Variants in NCAPD3 observed in about 807,000 individuals in gnomAD.
NCAPD3 encodes the protein condensin-2 complex subunit D3.
A neutral mutation model predicts 182.9 loss-of-function variants in NCAPD3; 105 were observed. That is an observed-to-expected ratio of 0.57 (90% CI 0.49 to 0.68). The LOEUF is 0.68. Ranked by LOEUF, NCAPD3 falls within the 30% of genes least tolerant of loss-of-function variation. The probability of loss-of-function intolerance (pLI) is 0.00; values close to 1 mark genes in which losing one functional copy is unlikely to be tolerated. For missense variants in NCAPD3, 1,944 were observed against 1,837.0 expected, an observed-to-expected ratio of 1.06 and a Z score of -1.07; for synonymous variants, 815 against 679.9, an observed-to-expected ratio of 1.20 and a Z score of -3.09.
At chr11:134,165,779 G>A (rs375707926) in intron 27 of NCAPD3, among the ~76,000 whole-genome samples, 2 of 127,492 alleles carry the variant, frequency 1.6e-5, no homozygotes, top group East Asian at 5.4e-4. Flanking sequence ...GTACACACTC[G>A]TGAGAGGAGC....
chr11:134,180,336 T>C (rs1944269138), intron 20 of NCAPD3, among the ~76,000 whole-genome samples: 1 of 152,126 alleles, frequency 6.6e-6, no homozygotes, highest in Non-Finnish European at 1.5e-5. Context: ...CGTGCTCCAC[T>C]AATTTAAACA....
chr11:134,189,814 TA>T (rs1282530068), intron 16 of NCAPD3, among the ~76,000 whole-genome samples: 1 of 152,124 alleles, frequency 6.6e-6, no homozygotes, highest in African/African-American at 2.4e-5. Context: ...CATTTTCCGT[TA>T]AATTCTATTT....
In NCAPD3 at chr11:134,153,147, C is replaced by G; in HGVS notation, c.4381G>C (p.Asp1461His). ...GNDILCLSLP[D>H]KPPPQPQQWN... ...GAACACTGCTAAACTTACGGTTTAT[C>G]AGGCAGTGATAAACATAAGATGTCA... Residue 1461 changes from aspartate (D) to histidine (H), a missense_variant, in exon 34 of 35, where the codon GAT (aspartate) becomes CAT (histidine). Asp to His is a moderately conservative substitution (Grantham distance 81, BLOSUM62 -1). Transcript: ENST00000534548. The G allele has an allele frequency of 6.2e-7, 1 of 1,614,142 alleles. No homozygotes were observed. Among genetic ancestry groups the G allele is most frequent in the Non-Finnish European group, 8.5e-7 (1 of 1,179,986 alleles).
intron 15 of NCAPD3, among the ~76,000 whole-genome samples, 168 bp downstream of exon 15, chr11:134,193,848 T>G (rs1480500013): frequency 2.0e-5 from 3 of 152,232 alleles, no homozygotes; most frequent in African/African-American, 7.2e-5. Context: ...AAGCACAGTC[T>G]ATCACACATA....
chr11:134,189,777 A>G (rs1258924782), intron 16 of NCAPD3, among the ~76,000 whole-genome samples: 6 of 152,232 alleles, frequency 3.9e-5, no homozygotes, highest in African/African-American at 1.4e-4. Context: ...CTTTATCATT[A>G]TAAGTAACTT....
intron 18 of NCAPD3, 47 bp from the exon 19 acceptor site, chr11:134,184,799 T>C (rs202131048): frequency 2.3e-5 from 31 of 1,322,386 alleles, no homozygotes. Context: ...TTAAATATAT[T>C]CAGGTATATA....
At chr11:134,175,736 G>GA (rs896193265) in intron 24 of NCAPD3, among the ~76,000 whole-genome samples, 5 of 151,794 alleles carry the variant, frequency 3.3e-5, no homozygotes, top group Non-Finnish European at 7.4e-5. Flanking sequence ...TCAACCCCTT[G>GA]AAAAAAATCT....
chr11:134,202,942 G>A (rs200560053), intron 12 of NCAPD3, 37 bp from the exon 13 acceptor site: 1 of 1,490,070 alleles, frequency 6.7e-7, no homozygotes, highest in African/African-American at 1.4e-5. Flanking sequence ...AGCTAAAAAT[G>A]TGTTATACTT....
At chr11:134,153,407 A>G in intron 32 of NCAPD3, 44 bp from the exon 33 acceptor site, 6 of 1,588,478 alleles carry the variant, frequency 3.8e-6, no homozygotes, top group South Asian at 2.2e-5. Flanking sequence ...CGCGTGGTCT[A>G]TCGGAGGTCT....
chr11:134,201,486 A>C (rs763597546), intron 13 of NCAPD3, among the ~76,000 whole-genome samples: 16 of 152,216 alleles, frequency 1.1e-4, no homozygotes, highest in Non-Finnish European at 2.2e-4. Flanking sequence ...AAACAACTAC[A>C]TTATACACTT....
intron 32 of NCAPD3, among the ~76,000 whole-genome samples, chr11:134,154,406 G>C (rs942761420): frequency 6.6e-6 from 1 of 151,700 alleles, no homozygotes; most frequent in African/African-American, 2.4e-5. Context: ...AGGTGCACGC[G>C]TGCACAAACA....
intron 16 of NCAPD3, among the ~76,000 whole-genome samples, chr11:134,190,276 T>C (rs916957573): frequency 6.6e-6 from 1 of 152,200 alleles, no homozygotes; most frequent in African/African-American, 2.4e-5. Context: ...GAAATGCAAG[T>C]AAATGCACCC....
chr11:134,164,571 G>A (rs1565522458), intron 27 of NCAPD3, among the ~76,000 whole-genome samples: 1 of 152,116 alleles, frequency 6.6e-6, no homozygotes, highest in South Asian at 2.1e-4. Flanking sequence ...GCTTAGGGGA[G>A]CTGCACACTC....
chr11:134,154,908 A>G, intron 32 of NCAPD3, among the ~76,000 whole-genome samples: 1 of 152,246 alleles, frequency 6.6e-6, no homozygotes, highest in Middle Eastern at 3.4e-3. Flanking sequence ...TCACTGCTAG[A>G]TCTGCTTATT....
At chr11:134,197,868 G>T (rs974643614) in intron 13 of NCAPD3, among the ~76,000 whole-genome samples, 5 of 152,166 alleles carry the variant, frequency 3.3e-5, no homozygotes, top group African/African-American at 1.2e-4. Flanking sequence ...AGCTTGAAAT[G>T]GAAGGAAACT....
At chr11:134,222,087 T>C (rs973891677) in intron 1 of NCAPD3, among the ~76,000 whole-genome samples, 5 of 152,230 alleles carry the variant, frequency 3.3e-5, no homozygotes, top group Non-Finnish European at 7.4e-5. Context: ...CTGGCCCTGT[T>C]ATCTACCATT....
intron 32 of NCAPD3, among the ~76,000 whole-genome samples, chr11:134,155,394 G>A (rs1351449317): frequency 1.3e-5 from 2 of 152,172 alleles, no homozygotes; most frequent in Non-Finnish European, 2.9e-5. Context: ...AGGAAGGGGA[G>A]ACCTCCAGGC....
At chr11:134,203,044 T>A in intron 12 of NCAPD3, 98 bp downstream of exon 12, 1 of 1,187,628 alleles carries the variant, frequency 8.4e-7, no homozygotes, top group Non-Finnish European at 1.2e-6. Flanking sequence ...AGTACAATGT[T>A]AAAGCAGGTA....
chr11:134,152,940 C>G lies in NCAPD3; in HGVS notation c.*4G>C. On this transcript the variant is annotated 3_prime_UTR_variant, in exon 35 of 35. Coordinates refer to ENST00000534548, the MANE Select transcript of NCAPD3 (RefSeq NM_015261.3). The stretch of plus-strand genomic sequence containing the variant: ...CCTGCCTGGACACTGGTGGGAGGCG[C>G]TGTTTAGTTGGCTGTTTTCAGAGGG... 6.5e-7 allele frequency: 1 copy of G among 1,538,760 alleles called. No homozygotes were observed. Among genetic ancestry groups the G allele is most frequent in the Non-Finnish European group, 8.7e-7 (1 of 1,143,782 alleles).
Sources: allele counts gnomAD v4.1 joint callset (sites outside exome capture counted in the v4.1 genomes callset), GRCh38; gene constraint gnomAD v4.1.1; transcripts MANE v1.5; gene names NCBI Gene and HGNC (gene_info 2026-07-23, HGNC 2026-07-21).